The following NFATC1 variants were observed in gnomAD, a reference collection of about 807,000 sequenced individuals.
The protein encoded by NFATC1 is nuclear factor of activated T cells 1.
Under a neutral mutation model 76.0 loss-of-function variants are expected in NFATC1, and 22 were observed. That is an observed-to-expected ratio of 0.29 (90% CI 0.21 to 0.41). The LOEUF is 0.41. Ranked by LOEUF, NFATC1 falls within the 10% of genes least tolerant of loss-of-function variation. NFATC1 has a pLI of 1.00. For synonymous variants in NFATC1, 704 were observed against 613.1 expected (o/e 1.15, Z -2.19); for missense variants, 1,357 against 1,337.7 (o/e 1.01, Z -0.23).
intron 3 of NFATC1, among the ~76,000 whole-genome samples, chr18:79,442,502 C>T (rs561136313): frequency 5.3e-5 from 8 of 152,356 alleles, no homozygotes; most frequent in Admixed American, 3.9e-4. Flanking sequence ...TCTCCAAAGT[C>T]GGCGGAAGGG....
chr18:79,469,949 G>C (rs1384912627), intron 8 of NFATC1: 1 of 985,368 alleles, frequency 1.0e-6, no homozygotes, highest in Admixed American at 6.2e-5. Flanking sequence ...CCCCAGTGTT[G>C]ACGCTGGGCC....
chr18:79,439,337 G>A (rs1274425428), intron 3 of NFATC1, among the ~76,000 whole-genome samples: 3 of 152,192 alleles, frequency 2.0e-5, no homozygotes, highest in Admixed American at 6.5e-5. Flanking sequence ...AACAGCAGCC[G>A]CTCCGGCCCC....
intron 9 of NFATC1, among the ~76,000 whole-genome samples, chr18:79,526,065 C>T (rs960615637): frequency 2.6e-5 from 4 of 152,240 alleles, no homozygotes; most frequent in Non-Finnish European, 1.5e-5. Context: ...GCGACCCCCA[C>T]ACAGAACAGA....
intron 5 of NFATC1, 122 bp from the exon 6 acceptor site, chr18:79,451,554 G>T: frequency 1.8e-6 from 2 of 1,135,652 alleles, no homozygotes; most frequent in South Asian, 2.2e-5. Flanking sequence ...GGGTCGGCCC[G>T]CAGGTCGTGG....
In NFATC1 at chr18:79,410,196, G is replaced by A; in HGVS notation, c.128-207G>A. 1.2e-6 allele frequency: 1 copy of A among 809,276 alleles called. No individual in the cohort carries two copies. Among genetic ancestry groups the A allele is most frequent in the Non-Finnish European group, 2.1e-6 (1 of 476,392 alleles). 50.1% of individuals were successfully genotyped at this position (809,276 alleles called of 1,614,324 possible). ...GGAGGTGGGCAGTGAGGGGCTCACG[G>A]GAGCCTTGTTGGCCAGGTGGGACTG... On this transcript the variant is annotated intron_variant, in intron 1 of 9. Coordinates refer to ENST00000427363, the MANE Select transcript of NFATC1 (RefSeq NM_001278669.2). The surrounding 1 kb of genome is among the most constrained non-coding windows in gnomAD (Gnocchi z 6.7).
At chr18:79,510,907 T>C (rs1330669853) in intron 9 of NFATC1, among the ~76,000 whole-genome samples, 1 of 151,808 alleles carries the variant, frequency 6.6e-6, no homozygotes, top group African/African-American at 2.4e-5. Flanking sequence ...CGGGACATCC[T>C]CCACCGGGGG....
chr18:79,431,550 T>C (rs2086589081), intron 2 of NFATC1, among the ~76,000 whole-genome samples: 1 of 152,128 alleles, frequency 6.6e-6, no homozygotes, highest in African/African-American at 2.4e-5. Flanking sequence ...CACGTCCTGC[T>C]CATGTTTTTA....
chr18:79,455,470 G>A (rs942275507), intron 6 of NFATC1, among the ~76,000 whole-genome samples: 10 of 152,162 alleles, frequency 6.6e-5, no homozygotes, highest in Non-Finnish European at 1.5e-5. Flanking sequence ...ACAGGCGGCC[G>A]GGGCTCCCGG....
At chr18:79,419,994 G>C (rs779691744) in intron 2 of NFATC1, among the ~76,000 whole-genome samples, 12 of 152,246 alleles carry the variant, frequency 7.9e-5, no homozygotes, top group Non-Finnish European at 1.5e-4. Context: ...TCTGGAAGCT[G>C]GGTTAGACGC....
At chr18:79,406,949 C>A (rs59922507) in intron 1 of NFATC1, among the ~76,000 whole-genome samples, 1 of 152,070 alleles carries the variant, frequency 6.6e-6, no homozygotes, top group Non-Finnish European at 1.5e-5. Context: ...GGGCACAGGG[C>A]GACCTGCCTG....
At chr18:79,399,518 G>A (rs1241261777) in intron 1 of NFATC1, among the ~76,000 whole-genome samples, 1 of 152,250 alleles carries the variant, frequency 6.6e-6, no homozygotes, top group African/African-American at 2.4e-5. Flanking sequence ...GTTAGAACAC[G>A]CGGCGGGAGA....
rs56033818 is a variant in NFATC1, at chr18:79,483,381, C to G, written c.2093-2867C>G. ...GTGTCATTCCGGCGTGACCTGGTTCCTGGGGTGTCATTCCGGCATGACCTG... is the reference window on the plus strand; with the variant it reads ...GTGTCATTCCGGCGTGACCTGGTTCGTGGGGTGTCATTCCGGCATGACCTG... On this transcript the variant is annotated intron_variant, in intron 8 of 9. Coordinates refer to ENST00000427363, the MANE Select transcript of NFATC1 (RefSeq NM_001278669.2). Among the ~76,000 whole-genome samples the G allele has an allele frequency of 1.3e-3, 154 of 117,930 alleles. 3 individuals are homozygous for G. The highest frequency in any genetic ancestry group is 2.9e-3 in the East Asian group (12 of 4,148). 77.4% of individuals were successfully genotyped at this position (117,930 alleles called of 152,430 possible). A position where few individuals can be genotyped will look rare whatever the true frequency, so the allele number is the denominator to read the frequency against.
intron 1 of NFATC1, chr18:79,402,337 T>C: frequency 2.0e-6 from 2 of 985,392 alleles, no homozygotes; most frequent in Non-Finnish European, 2.4e-6. Flanking sequence ...CTGGTGAACA[T>C]GGGGTCTCTC....
chr18:79,481,676 T>G (rs1220608743), intron 8 of NFATC1, among the ~76,000 whole-genome samples: 1 of 152,246 alleles, frequency 6.6e-6, no homozygotes, highest in Non-Finnish European at 1.5e-5. Flanking sequence ...CTGAGAGCCA[T>G]AGACCCTCGT....
chr18:79,458,503 T>C (rs969172092), intron 6 of NFATC1, among the ~76,000 whole-genome samples: 1 of 152,206 alleles, frequency 6.6e-6, no homozygotes, highest in Admixed American at 6.5e-5. Context: ...CTGGCCGGTC[T>C]GGGAGGCTCC....
At chr18:79,480,956 ACT>A (rs2089251550) in intron 8 of NFATC1, among the ~76,000 whole-genome samples, 1 of 152,160 alleles carries the variant, frequency 6.6e-6, no homozygotes, top group Admixed American at 6.5e-5. Flanking sequence ...TAAGATCTAA[ACT>A]CTGAAAATTA....
At chr18:79,491,877 G>C (rs937028159) in intron 9 of NFATC1, among the ~76,000 whole-genome samples, 2 of 151,628 alleles carry the variant, frequency 1.3e-5, no homozygotes, top group African/African-American at 4.8e-5. Flanking sequence ...GCTTCCCTCC[G>C]CCTGACCAGA....
chr18:79,427,479 A>ACCG (rs2086401586), intron 2 of NFATC1, among the ~76,000 whole-genome samples: 1 of 22,048 alleles, frequency 4.5e-5, no homozygotes, highest in African/African-American at 2.0e-4. Context: ...GGGCTGTACC[A>ACCG]CTGGCCTCTG....
rs777683345 is a variant in NFATC1 at position 79,478,726 on chromosome 18, G to A, written c.2093-7522G>A. 2.6e-3 allele frequency among the ~76,000 whole-genome samples: 396 copies of A among 152,302 alleles called. 4 individuals carry two copies. Among genetic ancestry groups the A allele is most frequent in the Non-Finnish European group, 4.9e-4 (33 of 68,006 alleles). On this transcript the variant is annotated intron_variant, in intron 8 of 9. Transcript: ENST00000427363. ...GTGGCCAGAATTGGCACCTGCATGG[G>A]GCCTGGAAACGTCGTGCTCACCTGG...
Sources: gnomAD v4.1 joint callset for allele counts (sites outside exome capture counted in the v4.1 genomes callset) on GRCh38, gnomAD v4.1.1 for gene constraint, Gnocchi (gnomAD v3.1) non-coding constraint, MANE v1.5 for transcripts, NCBI Gene and HGNC (gene_info 2026-07-23, HGNC 2026-07-21) for gene names.